The following RASGRP1 variants were observed in gnomAD, a reference collection of about 807,000 sequenced individuals.
The protein encoded by RASGRP1 is RAS guanyl releasing protein 1.
A neutral mutation model predicts 95.1 loss-of-function variants in RASGRP1; 37 were observed. The observed-to-expected ratio is 0.39, with a 90% CI of 0.30 to 0.51. RASGRP1 has a LOEUF of 0.51. RASGRP1 is among the 20% of genes least tolerant of loss of function. The pLI, the probability that RASGRP1 is intolerant of heterozygous loss-of-function variation, is 0.80. For missense variants in RASGRP1, 711 were observed against 965.4 expected (o/e 0.74, Z 3.49); for synonymous variants, 325 against 353.4 (o/e 0.92, Z 0.90).
intron 2 of RASGRP1, among the ~76,000 whole-genome samples, chr15:38,550,133 C>G (rs1289202686): frequency 6.6e-6 from 1 of 151,078 alleles, no homozygotes; most frequent in East Asian, 1.9e-4. Flanking sequence ...TGGTGCACAC[C>G]CAGCTACTCG....
chr15:38,499,877 TC>T (rs1890946065), intron 14 of RASGRP1, among the ~76,000 whole-genome samples: 1 of 152,104 alleles, frequency 6.6e-6, no homozygotes, highest in Non-Finnish European at 1.5e-5. Context: ...TAAGGGCTTT[TC>T]CCCCTTTTGC....
chr15:38,562,647 A>G (rs142395804), intron 1 of RASGRP1, among the ~76,000 whole-genome samples: 4 of 152,332 alleles, frequency 2.6e-5, no homozygotes, highest in Admixed American at 1.3e-4. Flanking sequence ...GCCTTCCACA[A>G]TACTTCTCCC....
chr15:38,528,149 T>A (rs1892303295), intron 2 of RASGRP1, among the ~76,000 whole-genome samples: 1 of 152,014 alleles, frequency 6.6e-6, no homozygotes, highest in Non-Finnish European at 1.5e-5. Flanking sequence ...AGGACGTTGA[T>A]CCTGCATTTG....
At chr15:38,524,937 T>G (rs1457016671) in intron 3 of RASGRP1, among the ~76,000 whole-genome samples, 1 of 150,242 alleles carries the variant, frequency 6.7e-6, no homozygotes, top group Admixed American at 6.6e-5. Context: ...AGTAGTGCAC[T>G]AAGGGCAGGA....
Position 38,490,598 on chromosome 15 carries a change from T to C in RASGRP1, c.2350A>G (p.Ser784Gly). The change falls in exon 17 of 17, where the codon AGC becomes GGC. Residue 784 changes from serine (S) to glycine (G), a missense_variant. Around this residue, in one of 3 missense-constraint regions of RASGRP1, gnomAD observed 212 missense variants for 247.8 expected, o/e 0.86. Transcript: ENST00000310803. ...TCCATTTGAGCTAAGACATGATTGC[T>C]TTTTTCAAGCTGGAGGGATTCTATT... ...KKIESLQLEK[S>G]NHVLAQMEQG... 1 of 1,613,458 alleles carries C rather than the reference T, an allele frequency of 6.2e-7. No individual in the cohort carries two copies. Among genetic ancestry groups the C allele is most frequent in the Non-Finnish European group, 8.5e-7 (1 of 1,179,538 alleles).
chr15:38,522,062 C>T (rs771763896), intron 3 of RASGRP1, among the ~76,000 whole-genome samples: 33 of 152,102 alleles, frequency 2.2e-4, no homozygotes, highest in Non-Finnish European at 4.4e-4. Flanking sequence ...CCAATGTTTG[C>T]ACCCATAGTA....
At chr15:38,524,029 T>G (rs1892098922) in intron 3 of RASGRP1, 1 of 152,374 alleles carries the variant, frequency 6.6e-6, no homozygotes, top group South Asian at 2.1e-4. Flanking sequence ...GACAGTGGGC[T>G]AATGCATATA....
intron 1 of RASGRP1, among the ~76,000 whole-genome samples, chr15:38,564,180 G>A (rs957174264): frequency 6.6e-6 from 1 of 152,206 alleles, no homozygotes; most frequent in Non-Finnish European, 1.5e-5. Flanking sequence ...GGGCAGGGCC[G>A]GGAGGGGCCA....
Position 38,512,907 on chromosome 15 carries a change from G to C in RASGRP1, c.725C>G (p.Pro242Arg). The change falls in exon 7 of 17, where the codon CCC becomes CGC. Residue 242 changes from proline to arginine, a missense_variant. Pro to Arg is a moderately radical substitution (Grantham distance 103). This residue lies in a region of RASGRP1 where 491 missense variants were observed against 676.6 expected (regional missense o/e 0.73). Coordinates refer to ENST00000310803, the MANE Select transcript of RASGRP1 (RefSeq NM_005739.4). ...CAGAGCAATAGATCGCTCCATGGTG[G>C]GGTTTTCCTTCACACAGCTATTTAC... ...YLVNSCVKEN[P>R]TMERSIALCN... The C allele has an allele frequency of 6.2e-7, 1 of 1,600,270 alleles. No homozygotes were observed. The highest frequency in any genetic ancestry group is 8.5e-7 in the Non-Finnish European group (1 of 1,175,196).
chr15:38,491,103 T>C (rs937175211), intron 16 of RASGRP1, among the ~76,000 whole-genome samples: 2 of 152,132 alleles, frequency 1.3e-5, no homozygotes, highest in South Asian at 4.1e-4. Context: ...CCCCACAAAT[T>C]ATTGAAAACA....
At chr15:38,490,836 T>A in intron 16 of RASGRP1, 148 bp from the exon 17 acceptor site, 2 of 845,074 alleles carry the variant, frequency 2.4e-6, no homozygotes, top group Non-Finnish European at 3.5e-6. Flanking sequence ...TTGCCCTGAA[T>A]AGAAAATAGC....
chr15:38,519,160 C>T, intron 4 of RASGRP1, 149 bp downstream of exon 4: 1 of 490,616 alleles, frequency 2.0e-6, no homozygotes, highest in Non-Finnish European at 3.5e-6. Flanking sequence ...CTCAAGTACA[C>T]CAGAGAAAAT....
At position 38,526,443 on chromosome 15, in the gene RASGRP1, A is replaced by AG. The variant is rs111452572; in HGVS notation, c.221-40dup. 5.3e-6 allele frequency: 8 copies of AG among 1,512,508 alleles called. No individual in the cohort carries two copies. In the African/African-American group the frequency reaches 5.5e-5, roughly 10 times the overall value. 93.7% of individuals were successfully genotyped at this position (1,512,508 alleles called of 1,614,324 possible). ...GAGCAGCACCTGAGTTAGGCCCTGG[A>AG]GGGAAACTAGTCACCTGGTAGACAC... On this transcript the variant is annotated intron_variant, in intron 2 of 16. Coordinates refer to ENST00000310803, the MANE Select transcript of RASGRP1 (RefSeq NM_005739.4).
At chr15:38,537,382 C>T (rs140536603) in intron 2 of RASGRP1, among the ~76,000 whole-genome samples, 189 of 152,264 alleles carry the variant, frequency 1.2e-3, no homozygotes, top group South Asian at 8.3e-3. Context: ...AAAGCAGGCA[C>T]GTCACATGGT....
chr15:38,557,712 T>A (rs1170807021), intron 2 of RASGRP1, among the ~76,000 whole-genome samples: 1 of 151,970 alleles, frequency 6.6e-6, no homozygotes, highest in Non-Finnish European at 1.5e-5. Flanking sequence ...GTCGCTGTAA[T>A]TCTTCTTGAG....
intron 1 of RASGRP1, 110 bp from the exon 2 acceptor site, chr15:38,560,115 T>C (rs1289498841): frequency 2.9e-6 from 3 of 1,046,768 alleles, no homozygotes; most frequent in Middle Eastern, 2.7e-4. Context: ...GGAGCTGGGC[T>C]GATAGAAGCC....
chr15:38,502,560 T>C lies in RASGRP1; in HGVS notation c.1429-139A>G. 4 of 610,886 alleles carry C rather than the reference T, an allele frequency of 6.5e-6. No individual in the cohort carries two copies. In the South Asian group the frequency reaches 8.1e-5, roughly 12 times the overall value. The allele number at this position is 610,886 out of a possible 1,614,324, so 37.8% of individuals were successfully genotyped here. A position where few individuals can be genotyped will look rare whatever the true frequency, so the allele number is the denominator to read the frequency against. ...GAGAGGAACAGGGAAACCTGCTCCTTTAGCTGTGGCAAAGATGTGGCAGGT... is the reference window on the plus strand; with the variant it reads ...GAGAGGAACAGGGAAACCTGCTCCTCTAGCTGTGGCAAAGATGTGGCAGGT... On this transcript the variant is annotated intron_variant, in intron 11 of 16. Coordinates refer to ENST00000310803, the MANE Select transcript of RASGRP1 (RefSeq NM_005739.4).
At chr15:38,521,888 G>C (rs1055926888) in intron 3 of RASGRP1, among the ~76,000 whole-genome samples, 11 of 152,204 alleles carry the variant, frequency 7.2e-5, no homozygotes, top group Non-Finnish European at 8.8e-5. Flanking sequence ...GGGAAACTAA[G>C]CGTAAAGAAA....
At position 38,516,068 on chromosome 15, in the gene RASGRP1, G is replaced by T. The variant is rs1891769283; in HGVS notation, c.675+129C>A. On this transcript the variant is annotated intron_variant, in intron 6 of 16. Coordinates refer to ENST00000310803, the MANE Select transcript of RASGRP1 (RefSeq NM_005739.4). ...TACTGATTTTTTCAGACTCTATGAT[G>T]TCTGGCAGGAAAGCCTGCCACGACT... The T allele has an allele frequency of 4.7e-6, 5 of 1,071,766 alleles. No homozygotes were observed. The South Asian group carries it at 6.3e-5, about 14-fold the overall frequency. 66.4% of individuals were successfully genotyped at this position (1,071,766 alleles called of 1,614,324 possible). A position where few individuals can be genotyped will look rare whatever the true frequency, so the allele number is the denominator to read the frequency against.
Sources: allele counts gnomAD v4.1 joint callset (sites outside exome capture counted in the v4.1 genomes callset), GRCh38; gene constraint gnomAD v4.1.1; regional missense constraint gnomAD v4.1.1; transcripts MANE v1.5; gene names NCBI Gene and HGNC (gene_info 2026-07-23, HGNC 2026-07-21).